FRMD4A: variants seen among roughly 807,000 people sequenced by gnomAD.
FRMD4A encodes FERM domain containing 4A.
A neutral mutation model predicts 129.1 loss-of-function variants in FRMD4A; 29 were observed. That is an observed-to-expected ratio of 0.22 (90% confidence interval 0.17 to 0.31). FRMD4A has a LOEUF of 0.31. FRMD4A is among the 10% of genes least tolerant of loss of function. FRMD4A has a pLI of 1.00. For missense variants in FRMD4A, 1,272 were observed against 1,375.8 expected (o/e 0.92, Z 1.19); for synonymous variants, 634 against 571.6 (o/e 1.11, Z -1.56).
chr10:13,652,241 A>C, intron 23 of FRMD4A: 1 of 507,042 alleles, frequency 2.0e-6, no homozygotes, highest in Non-Finnish European at 3.5e-6. Flanking sequence ...TTATGCCAAG[A>C]ACCAAAATTG....
At chr10:13,808,863 A>T (rs2093400460) in intron 4 of FRMD4A, among the ~76,000 whole-genome samples, 1 of 152,156 alleles carries the variant, frequency 6.6e-6, no homozygotes, top group Admixed American at 6.5e-5. Context: ...TCTCTGGATC[A>T]TGCCAGAAGG....
intron 2 of FRMD4A, among the ~76,000 whole-genome samples, chr10:13,964,937 G>A (rs1347484745): frequency 6.6e-6 from 1 of 152,076 alleles, no homozygotes; most frequent in Non-Finnish European, 1.5e-5. Context: ...GCCCGCCTCT[G>A]CCTCCCAAAG....
intron 8 of FRMD4A, among the ~76,000 whole-genome samples, chr10:13,760,629 T>C (rs2092032280): frequency 6.6e-6 from 1 of 152,192 alleles, no homozygotes; most frequent in East Asian, 1.9e-4. Flanking sequence ...GACAGCCAAC[T>C]ACAGGTGGCC....
chr10:13,891,691 G>A lies in FRMD4A; in HGVS notation c.46-32779C>T, dbSNP rs570100226. 2,443 of 985,166 alleles carry A rather than the reference G, an allele frequency of 2.5e-3. 53 individuals are homozygous for A. The African/African-American group carries it at 0.039, about 16-fold the overall frequency. The allele number at this position is 985,166 out of a possible 1,614,324, so 61.0% of individuals were successfully genotyped here. A position where few individuals can be genotyped will look rare whatever the true frequency, so the allele number is the denominator to read the frequency against. The stretch of plus-strand genomic sequence containing the variant: ...CTGCAAGCGGCTGGTACCCCGGAAC[G>A]GGCGTCCCATTCGCCCGGGCGAAGG... On this transcript the variant is annotated intron_variant, in intron 2 of 24. Transcript: ENST00000357447.
rs536647518 is a variant in FRMD4A, at chr10:13,656,923, T to TCGC, written c.2663_2665dup (p.Gly888dup). ...CGTCAGGCGGCCCGTGTCGCCCTCG[T>TCGC]CGCCGCCGCCGCCGCGCCAGCTCTC... On this transcript the variant is annotated inframe_insertion, in exon 22 of 25. Transcript: ENST00000357447. 1,362 of 1,497,322 alleles carry TCGC rather than the reference T, an allele frequency of 9.1e-4. 15 individuals carry two copies. The East Asian group carries it at 0.03, about 33-fold the overall frequency. 92.8% of individuals were successfully genotyped at this position (1,497,322 alleles called of 1,614,324 possible).
At chr10:14,031,624 C>T (rs372246963) in intron 2 of FRMD4A, among the ~76,000 whole-genome samples, 1 of 152,136 alleles carries the variant, frequency 6.6e-6, no homozygotes, top group Non-Finnish European at 1.5e-5. Flanking sequence ...GATTTCCATG[C>T]CTTCCGGAGT....
intron 2 of FRMD4A, among the ~76,000 whole-genome samples, chr10:14,015,403 C>T (rs2095696045): frequency 6.6e-6 from 1 of 150,908 alleles, no homozygotes; most frequent in Non-Finnish European, 1.5e-5. Context: ...CCCTCGCCTC[C>T]CCTCCTTCCC....
At chr10:14,212,741 A>C (rs1842966449) in intron 2 of FRMD4A, among the ~76,000 whole-genome samples, 1 of 152,242 alleles carries the variant, frequency 6.6e-6, no homozygotes, top group African/African-American at 2.4e-5. Context: ...TGAACTGCTT[A>C]GCACCTATGG....
At chr10:14,171,988 A>G (rs1439911276) in intron 2 of FRMD4A, among the ~76,000 whole-genome samples, 1 of 152,204 alleles carries the variant, frequency 6.6e-6, no homozygotes, top group Non-Finnish European at 1.5e-5. Context: ...TCGCTGGGTA[A>G]TTTCAACAAC....
At chr10:14,138,503 G>A (rs1839661578) in intron 2 of FRMD4A, among the ~76,000 whole-genome samples, 2 of 152,194 alleles carry the variant, frequency 1.3e-5, no homozygotes, top group African/African-American at 2.4e-5. Context: ...GCTCACACCT[G>A]TAATCTCAGC....
chr10:14,043,146 T>A (rs1187502266), intron 2 of FRMD4A, among the ~76,000 whole-genome samples: 1 of 152,148 alleles, frequency 6.6e-6, no homozygotes, highest in African/African-American at 2.4e-5. Flanking sequence ...TCCAGAAGGT[T>A]ACCATGTTAT....
At chr10:14,119,306 C>T (rs1404176997) in intron 2 of FRMD4A, among the ~76,000 whole-genome samples, 1 of 152,146 alleles carries the variant, frequency 6.6e-6, no homozygotes, top group African/African-American at 2.4e-5. Context: ...GGTTCATATG[C>T]TCAAACAAGC....
intron 15 of FRMD4A, among the ~76,000 whole-genome samples, chr10:13,678,944 T>C (rs2084238276): frequency 6.6e-6 from 1 of 152,144 alleles, no homozygotes; most frequent in Non-Finnish European, 1.5e-5. Flanking sequence ...TTTGAAGCTA[T>C]ACAATACCCT....
At chr10:14,279,036 G>C (rs549407516) in intron 2 of FRMD4A, among the ~76,000 whole-genome samples, 71 of 152,194 alleles carry the variant, frequency 4.7e-4, no homozygotes, top group African/African-American at 1.7e-3. Context: ...ACAGTGTTGG[G>C]GCCGTTTCAG....
At chr10:14,071,965 T>C (rs1053299342) in intron 2 of FRMD4A, among the ~76,000 whole-genome samples, 1 of 152,176 alleles carries the variant, frequency 6.6e-6, no homozygotes, top group African/African-American at 2.4e-5. Flanking sequence ...GTGACTTTAC[T>C]ACAAAGCACA....
intron 2 of FRMD4A, among the ~76,000 whole-genome samples, chr10:14,111,126 T>G (rs1271116637): frequency 6.6e-6 from 1 of 152,224 alleles, no homozygotes; most frequent in African/African-American, 2.4e-5. Context: ...TTTGTATCCG[T>G]TAAACAATTA....
At chr10:13,705,803 G>A (rs1452163759) in intron 13 of FRMD4A, among the ~76,000 whole-genome samples, 1 of 152,204 alleles carries the variant, frequency 6.6e-6, no homozygotes, top group African/African-American at 2.4e-5. Context: ...ATTTTCACCT[G>A]ACTGTGGAGA....
At chr10:14,027,282 T>C (rs987518060) in intron 2 of FRMD4A, among the ~76,000 whole-genome samples, 2 of 152,104 alleles carry the variant, frequency 1.3e-5, no homozygotes, top group African/African-American at 4.8e-5. Context: ...GAGAGTTGAG[T>C]CTCCCAGTCT....
intron 15 of FRMD4A, among the ~76,000 whole-genome samples, chr10:13,683,605 C>CA (rs981294410): frequency 8.7e-5 from 13 of 150,182 alleles, no homozygotes; most frequent in East Asian, 2.0e-4. Flanking sequence ...TCTAAACAGA[C>CA]AAAAAAAAGA....
Sources: gnomAD v4.1 joint callset for allele counts (sites outside exome capture counted in the v4.1 genomes callset) on GRCh38, gnomAD v4.1.1 for gene constraint, MANE v1.5 for transcripts, NCBI Gene and HGNC (gene_info 2026-07-23, HGNC 2026-07-21) for gene names.